DAB1: variants seen among roughly 807,000 people sequenced by gnomAD.
The protein encoded by DAB1 is DAB adaptor protein 1, also known as disabled homolog 1.
DAB1 carries 15 observed loss-of-function variants against 64.6 expected under a neutral mutation model. That is an observed-to-expected ratio of 0.23 (90% confidence interval 0.16 to 0.36). The LOEUF (loss-of-function observed/expected upper bound fraction) is 0.36, where lower values mean the gene tolerates loss of function less well. Among genes scored for constraint, DAB1 ranks in the 10% least tolerant of loss-of-function variants. DAB1 has a pLI of 1.00. For missense variants in DAB1, 596 were observed against 706.7 expected (o/e 0.84, Z 1.78); for synonymous variants, 235 against 251.9 (o/e 0.93, Z 0.64).
At chr1:57,350,691 A>C (rs774771104) in intron 1 of DAB1, among the ~76,000 whole-genome samples, 1 of 152,168 alleles carries the variant, frequency 6.6e-6, no homozygotes, top group Non-Finnish European at 1.5e-5. Flanking sequence ...AGTAAATGCC[A>C]ATTTCCAGTT....
In DAB1 at chr1:57,317,177, A is replaced by AC. The variant is rs1675284641; in HGVS notation, c.-136-26012dup. On this transcript the variant is annotated intron_variant, in intron 1 of 14. Transcript: ENST00000371236. ...GGCAAACAGCCTAAGAAGAACTGAGACCCCCAGTCCAACAGCATGTGAGGA... is the reference window on the plus strand; with the variant it reads ...GGCAAACAGCCTAAGAAGAACTGAGACCCCCCAGTCCAACAGCATGTGAGGA... Among the ~76,000 whole-genome samples the AC allele has an allele frequency of 6.6e-5, 10 of 151,956 alleles. No individual in the cohort carries two copies. In the South Asian group the frequency reaches 1.9e-3, roughly 29 times the overall value.
intron 7 of DAB1, among the ~76,000 whole-genome samples, chr1:57,559,996 G>A (rs983434821): frequency 2.6e-5 from 4 of 152,200 alleles, no homozygotes; most frequent in Admixed American, 2.6e-4. Flanking sequence ...GTGGATTATT[G>A]TAAGCTTAAC....
At chr1:58,192,890 A>G (rs1657464421) in intron 4 of DAB1, among the ~76,000 whole-genome samples, 1 of 152,182 alleles carries the variant, frequency 6.6e-6, no homozygotes, top group Non-Finnish European at 1.5e-5. Context: ...TGCAAGATGA[A>G]AAGACTTCTG....
chr1:57,818,321 C>T (rs1280970563), intron 6 of DAB1, among the ~76,000 whole-genome samples: 3 of 152,126 alleles, frequency 2.0e-5, no homozygotes, highest in African/African-American at 4.8e-5. Context: ...TCTCAAACCC[C>T]GAGTCTCACT....
At chr1:57,684,523 A>G (rs1646671967) in intron 6 of DAB1, among the ~76,000 whole-genome samples, 1 of 152,180 alleles carries the variant, frequency 6.6e-6, no homozygotes, top group Non-Finnish European at 1.5e-5. Flanking sequence ...ATCCCACCAA[A>G]CTAAGCTTCA....
intron 6 of DAB1, among the ~76,000 whole-genome samples, chr1:57,659,041 C>T (rs1646352808): frequency 6.6e-6 from 1 of 152,188 alleles, no homozygotes; most frequent in African/African-American, 2.4e-5. Context: ...GTCTGTGGAT[C>T]AAATTCCAGG....
intron 7 of DAB1, among the ~76,000 whole-genome samples, chr1:57,565,481 A>G (rs1391780669): frequency 3.3e-5 from 5 of 152,228 alleles, no homozygotes; most frequent in African/African-American, 4.8e-5. Flanking sequence ...AGACTGGCAA[A>G]TTGGATAAAG....
At chr1:57,517,184 C>G (rs183609451) in intron 7 of DAB1, among the ~76,000 whole-genome samples, 41 of 151,838 alleles carry the variant, frequency 2.7e-4, no homozygotes, top group African/African-American at 9.4e-4. Context: ...TTTTTTGAGG[C>G]AGGGTCTTGC....
chr1:57,472,952 G>A (rs763710228), intron 7 of DAB1, among the ~76,000 whole-genome samples: 1 of 152,164 alleles, frequency 6.6e-6, no homozygotes, highest in Admixed American at 6.5e-5. Context: ...TGGATTTTAA[G>A]GACATAGTTA....
chr1:57,165,250 G>A (rs11206985), intron 2 of DAB1, among the ~76,000 whole-genome samples: 2 of 149,158 alleles, frequency 1.3e-5, no homozygotes, highest in East Asian at 3.9e-4. Context: ...GAAAAAATAG[G>A]TTTTTTTTTT....
At chr1:57,206,612 C>T (rs562351879) in intron 2 of DAB1, among the ~76,000 whole-genome samples, 1 of 152,306 alleles carries the variant, frequency 6.6e-6, no homozygotes, top group Non-Finnish European at 1.5e-5. Flanking sequence ...TCTCTCTTTG[C>T]TCAAAAACGG....
chr1:57,330,231 G>A (rs530698651), intron 1 of DAB1, among the ~76,000 whole-genome samples: 1 of 152,166 alleles, frequency 6.6e-6, no homozygotes, highest in Non-Finnish European at 1.5e-5. Flanking sequence ...TAAAGGAGGG[G>A]CTTTCCTTGT....
At chr1:58,146,745 C>A (rs1273041490) in intron 5 of DAB1, among the ~76,000 whole-genome samples, 1 of 151,512 alleles carries the variant, frequency 6.6e-6, no homozygotes, top group Non-Finnish European at 1.5e-5. Context: ...ATTATAAATT[C>A]TATTATTTAT....
chr1:57,545,973 A>G (rs1486632752), intron 7 of DAB1, among the ~76,000 whole-genome samples: 3 of 152,192 alleles, frequency 2.0e-5, no homozygotes, highest in Non-Finnish European at 4.4e-5. Flanking sequence ...ATTACTCCTA[A>G]GAGTCCAGCT....
chr1:57,515,349 G>A (rs1644451722), intron 7 of DAB1, among the ~76,000 whole-genome samples: 1 of 152,188 alleles, frequency 6.6e-6, no homozygotes, highest in South Asian at 2.1e-4. Flanking sequence ...AGAGAGGGGA[G>A]CTTTATTAGC....
At chr1:57,926,109 C>T (rs878876395) in intron 5 of DAB1, among the ~76,000 whole-genome samples, 1 of 152,176 alleles carries the variant, frequency 6.6e-6, no homozygotes, top group Admixed American at 6.5e-5. Flanking sequence ...CTTGCTCTGC[C>T]ACTGAGACTA....
Position 57,661,005 on chromosome 1 carries a change from GA to G in DAB1, n.552-11341del, listed in dbSNP as rs376963798. ...ATGATGTGAAACCTTGAAAAAGTAA[GA>G]TACAAACGAATAATTCAACTCAAGT... On this transcript the variant is annotated intron_variant and non_coding_transcript_variant, in intron 6 of 20. Coordinates refer to the DAB1 transcript ENST00000485760. Among the ~76,000 whole-genome samples the G allele has an allele frequency of 3.3e-3, 508 of 152,240 alleles. 4 individuals carry two copies. The highest frequency in any genetic ancestry group is 5.5e-3 in the Non-Finnish European group (377 of 68,026).
chr1:58,486,549 T>A (rs618043), intron 3 of DAB1, among the ~76,000 whole-genome samples: 143,138 of 152,268 alleles, frequency 0.94, 67,465 homozygotes, highest in African/African-American at 0.99. Context: ...ATCATTTAAC[T>A]AATATTCACT....
chr1:57,888,056 T>C (rs1382840596), upstream of DAB1, among the ~76,000 whole-genome samples: 1 of 152,166 alleles, frequency 6.6e-6, no homozygotes, highest in Non-Finnish European at 1.5e-5. Flanking sequence ...AAAACACTTC[T>C]TGCCTGCTGA....
Sources: allele counts gnomAD v4.1 joint callset (sites outside exome capture counted in the v4.1 genomes callset), GRCh38; gene constraint gnomAD v4.1.1; transcripts MANE v1.5; gene names NCBI Gene and HGNC (gene_info 2026-07-23, HGNC 2026-07-21).